SEM1: variants seen among roughly 807,000 people sequenced by gnomAD.
SEM1 encodes the protein SEM1 26S proteasome subunit, also known as 26S proteasome complex subunit SEM1.
Under a neutral mutation model 12.7 loss-of-function variants are expected in SEM1, and 3 were observed. That is an observed-to-expected ratio of 0.24 (90% CI 0.11 to 0.61). The LOEUF (loss-of-function observed/expected upper bound fraction) is 0.61, where lower values mean the gene tolerates loss of function less well. Among genes scored for constraint, SEM1 ranks in the 20% least tolerant of loss-of-function variants. The pLI, the probability that SEM1 is intolerant of heterozygous loss-of-function variation, is 0.88. For missense variants in SEM1, 59 were observed against 81.3 expected (o/e 0.73, Z 1.06); for synonymous variants, 30 against 27.8 (o/e 1.08, Z -0.25).
chr7:96,652,942 A>G (rs1426864735), intron 2 of SEM1, among the ~76,000 whole-genome samples: 1 of 152,220 alleles, frequency 6.6e-6, no homozygotes, highest in East Asian at 1.9e-4. Flanking sequence ...CTACAGCACC[A>G]TGGTTTTGGA....
intron 2 of SEM1, among the ~76,000 whole-genome samples, chr7:96,637,006 AAG>A (rs1162580901): frequency 3.9e-5 from 6 of 152,170 alleles, no homozygotes; most frequent in African/African-American, 1.4e-4. Flanking sequence ...TAAAAGGAAA[AAG>A]AAAGTATTAT....
At chr7:96,532,555 A>C (rs959231494) in intron 2 of SEM1, among the ~76,000 whole-genome samples, 4 of 152,100 alleles carry the variant, frequency 2.6e-5, no homozygotes, top group African/African-American at 9.7e-5. Context: ...GTGCATGTTC[A>C]TTGTTGCCAA....
intron 2 of SEM1, among the ~76,000 whole-genome samples, chr7:96,538,257 T>C (rs764799823): frequency 2.3e-4 from 35 of 151,868 alleles, no homozygotes; most frequent in Non-Finnish European, 2.7e-4. Context: ...TTCAATTCCA[T>C]CTGAATTTAA....
Position 96,681,525 on chromosome 7 carries a change from G to A in SEM1, c.171-7666C>T, listed in dbSNP as rs148090547. 8.3e-3 allele frequency among the ~76,000 whole-genome samples: 1,257 copies of A among 152,104 alleles called. 20 individuals are homozygous for A. Among genetic ancestry groups the A allele is most frequent in the Middle Eastern group, 0.024 (7 of 294 alleles). On this transcript the variant is annotated intron_variant, in intron 2 of 2. Coordinates refer to the SEM1 transcript ENST00000413065. ...AAGGACGTTTGGTTTTAGGTCTTAC[G>A]TTTAAGTCTTTAATCCATCTTGAGT...
chr7:96,536,668 C>T (rs548521840), intron 2 of SEM1, among the ~76,000 whole-genome samples: 11 of 151,810 alleles, frequency 7.2e-5, no homozygotes, highest in African/African-American at 1.7e-4. Flanking sequence ...TGATGTAATG[C>T]TCCTCTTTGT....
At chr7:96,503,052 A>G (rs1410669688) in intron 3 of SEM1, among the ~76,000 whole-genome samples, 6 of 152,190 alleles carry the variant, frequency 3.9e-5, no homozygotes, top group Admixed American at 6.5e-5. Context: ...TCAAATGCTG[A>G]ATAAAATAAC....
chr7:96,674,310 T>C (rs1343961240), intron 2 of SEM1, among the ~76,000 whole-genome samples: 7 of 152,234 alleles, frequency 4.6e-5, no homozygotes, highest in African/African-American at 7.2e-5. Flanking sequence ...CTAGGGCTTA[T>C]AGAGCAGTGT....
chr7:96,613,582 TATACA>T (rs1807611981), intron 2 of SEM1, among the ~76,000 whole-genome samples: 1 of 152,222 alleles, frequency 6.6e-6, no homozygotes, highest in Non-Finnish European at 1.5e-5. Flanking sequence ...TATTTTAAAA[TATACA>T]ATACATTATT....
downstream of SEM1, among the ~76,000 whole-genome samples, chr7:96,686,872 T>A (rs984068435): frequency 6.6e-6 from 1 of 151,822 alleles, no homozygotes; most frequent in Admixed American, 6.6e-5. Context: ...TGGGAGAAAA[T>A]TTTTGCAACC....
downstream of SEM1, chr7:96,687,822 A>G (rs1309263807): frequency 1.3e-5 from 2 of 152,102 alleles, no homozygotes; most frequent in Non-Finnish European, 2.9e-5. Context: ...TCACTTATCC[A>G]TTCAAAACTT....
At position 96,601,169 on chromosome 7, in the gene SEM1, A is replaced by G. The variant is rs73392835; in HGVS notation, c.170+93629T>C. 2.7e-3 allele frequency among the ~76,000 whole-genome samples: 416 copies of G among 152,310 alleles called. 3 individuals are homozygous for G. Among genetic ancestry groups the G allele is most frequent in the Middle Eastern group, 6.8e-3 (2 of 294 alleles). On this transcript the variant is annotated intron_variant and NMD_transcript_variant, in intron 2 of 3. Coordinates refer to the SEM1 transcript ENST00000466986. ...CCAAGTTTTAAAAATCCATTCAACA[A>G]TTATCTATTGGGCATGTGCCAGGTA... is the stretch of plus-strand genomic sequence containing the variant.
intron 2 of SEM1, among the ~76,000 whole-genome samples, chr7:96,551,897 T>C (rs995387820): frequency 3.3e-5 from 5 of 152,100 alleles, no homozygotes; most frequent in Non-Finnish European, 5.9e-5. Flanking sequence ...TGCCAACACA[T>C]TTATTTCAGA....
intron 2 of SEM1, among the ~76,000 whole-genome samples, chr7:96,537,468 T>A (rs944403328): frequency 3.9e-5 from 6 of 151,922 alleles, no homozygotes; most frequent in African/African-American, 1.4e-4. Flanking sequence ...CCTCAGTTTT[T>A]GCTTACCTGA....
intron 2 of SEM1, among the ~76,000 whole-genome samples, chr7:96,683,533 G>A (rs547935594): frequency 5.4e-4 from 82 of 152,100 alleles, no homozygotes; most frequent in Non-Finnish European, 1.0e-3. Context: ...CCCATTACTG[G>A]GTATATACCC....
intron 2 of SEM1, among the ~76,000 whole-genome samples, chr7:96,678,969 G>C (rs1287854180): frequency 6.6e-6 from 1 of 152,026 alleles, no homozygotes; most frequent in Non-Finnish European, 1.5e-5. Flanking sequence ...ATATAGACTT[G>C]TATCAAATGG....
At chr7:96,601,328 G>A (rs1807193392) in intron 2 of SEM1, among the ~76,000 whole-genome samples, 1 of 152,140 alleles carries the variant, frequency 6.6e-6, no homozygotes, top group South Asian at 2.1e-4. Context: ...GAGGAAGTGA[G>A]TGCTAAGAAA....
chr7:96,541,433 T>G (rs7801149), intron 2 of SEM1, among the ~76,000 whole-genome samples: 1,860 of 136,458 alleles, frequency 0.014, 28 homozygotes, highest in Non-Finnish European at 0.022. Flanking sequence ...TTTAATGGGT[T>G]TTTTTTTTTG....
chr7:96,679,053 TA>T (rs1789528289), intron 2 of SEM1, among the ~76,000 whole-genome samples: 1 of 152,114 alleles, frequency 6.6e-6, no homozygotes, highest in Non-Finnish European at 1.5e-5. Context: ...CTTCAATATA[TA>T]AATCAATAGC....
intron 2 of SEM1, among the ~76,000 whole-genome samples, chr7:96,602,706 A>AT (rs1449522839): frequency 6.6e-6 from 1 of 152,210 alleles, no homozygotes; most frequent in Non-Finnish European, 1.5e-5. Context: ...GTAAATCTGA[A>AT]TCTGACTTTC....
Sources: gnomAD v4.1 joint callset for allele counts (sites outside exome capture counted in the v4.1 genomes callset) on GRCh38, gnomAD v4.1.1 for gene constraint, MANE v1.5 for transcripts, NCBI Gene and HGNC (gene_info 2026-07-23, HGNC 2026-07-21) for gene names.